ZNF423: variants seen among roughly 807,000 people sequenced by gnomAD.
ZNF423 encodes Ebf-associated zinc finger protein.
In ZNF423, 12 loss-of-function variants were observed where a neutral mutation model predicts 95.8. That is an observed-to-expected ratio of 0.13 (90% CI 0.08 to 0.20). The LOEUF (loss-of-function observed/expected upper bound fraction) is 0.20, where lower values mean the gene tolerates loss of function less well. Among genes scored for constraint, ZNF423 ranks in the 10% least tolerant of loss-of-function variants. ZNF423 has a pLI of 1.00. For missense variants in ZNF423, 1,316 were observed against 1,737.1 expected (o/e 0.76, Z 4.31); for synonymous variants, 749 against 711.9 (o/e 1.05, Z -0.83).
chr16:49,495,538 G>T (rs149572253), intron 7 of ZNF423, among the ~76,000 whole-genome samples: 11 of 152,304 alleles, frequency 7.2e-5, no homozygotes, highest in African/African-American at 2.6e-4. Context: ...TCATTCATTC[G>T]TCTTTGAGCC....
intron 3 of ZNF423, among the ~76,000 whole-genome samples, chr16:49,668,692 C>T (rs1430952770): frequency 3.3e-5 from 5 of 152,118 alleles, no homozygotes; most frequent in African/African-American, 7.2e-5. Context: ...AAACAGTTCC[C>T]GCTAACCCAC....
chr16:49,831,668 TACAGGGAA>T (rs2035062396), intron 1 of ZNF423, among the ~76,000 whole-genome samples: 1 of 152,112 alleles, frequency 6.6e-6, no homozygotes, highest in African/African-American at 2.4e-5. Context: ...ACACCCAGAC[TACAGGGAA>T]GAGCGCTGCA....
At chr16:49,589,461 T>C (rs780867676) in intron 5 of ZNF423, among the ~76,000 whole-genome samples, 2 of 152,146 alleles carry the variant, frequency 1.3e-5, no homozygotes, top group Admixed American at 6.5e-5. Flanking sequence ...GCTGTGTGCA[T>C]TTTGCTCAGT....
chr16:49,493,747 G>A (rs1967057775), intron 7 of ZNF423, among the ~76,000 whole-genome samples: 1 of 152,242 alleles, frequency 6.6e-6, no homozygotes, highest in Non-Finnish European at 1.5e-5. Flanking sequence ...TGGATAGGAT[G>A]TGGATATGTG....
At chr16:49,606,670 G>A (rs1324228439) in intron 5 of ZNF423, among the ~76,000 whole-genome samples, 1 of 152,224 alleles carries the variant, frequency 6.6e-6, no homozygotes, top group Non-Finnish European at 1.5e-5. Context: ...CAGTACAGTG[G>A]TACTGGTGCA....
At chr16:49,824,500 G>A (rs1313582807) in intron 1 of ZNF423, among the ~76,000 whole-genome samples, 1 of 152,102 alleles carries the variant, frequency 6.6e-6, no homozygotes, top group East Asian at 1.9e-4. Flanking sequence ...GTGGTCTCAG[G>A]CCAGGAGAGA....
chr16:49,567,315 CCT>C (rs1970224088), intron 5 of ZNF423, among the ~76,000 whole-genome samples: 1 of 152,198 alleles, frequency 6.6e-6, no homozygotes, highest in Non-Finnish European at 1.5e-5. Flanking sequence ...CCCAAGCCAA[CCT>C]CTCTCCCTCT....
intron 2 of ZNF423, among the ~76,000 whole-genome samples, chr16:49,769,588 T>G (rs75286207): frequency 0.028 from 4,231 of 151,922 alleles, 192 homozygotes; most frequent in African/African-American, 0.097. Context: ...CCCTCCCTGG[T>G]TCCCCATCAA....
At chr16:49,589,444 G>T in intron 5 of ZNF423, among the ~76,000 whole-genome samples, 1 of 152,190 alleles carries the variant, frequency 6.6e-6, no homozygotes, top group East Asian at 1.9e-4. Context: ...TAAAGGTTTA[G>T]TGTCTAGCTG....
At chr16:49,610,687 T>C (rs1184527197) in intron 5 of ZNF423, among the ~76,000 whole-genome samples, 2 of 151,974 alleles carry the variant, frequency 1.3e-5, no homozygotes, top group Non-Finnish European at 2.9e-5. Flanking sequence ...CAACATTAAA[T>C]ATAAATAACC....
chr16:49,689,671 C>T (rs1487924550), intron 3 of ZNF423, among the ~76,000 whole-genome samples: 1 of 152,132 alleles, frequency 6.6e-6, no homozygotes, highest in East Asian at 1.9e-4. Flanking sequence ...TGCAAGCAAT[C>T]CCGTGTGGCA....
rs528818394 is a variant in ZNF423 at position 49,694,515 on chromosome 16, T to C, written c.301+36256A>G. ...CATGGTAAAAACATCCTGCCTCTGC[T>C]CATCTGCAAGCAGGGATTGGAAATC... On this transcript the variant is annotated intron_variant, in intron 3 of 7. Coordinates refer to ENST00000563137, the MANE Select transcript of ZNF423 (RefSeq NM_001379286.1). Among the ~76,000 whole-genome samples the C allele has an allele frequency of 2.0e-5, 3 of 152,328 alleles. No individual in the cohort carries two copies. The East Asian group carries it at 5.8e-4, about 29-fold the overall frequency.
At chr16:49,721,990 G>A (rs1232081967) in intron 3 of ZNF423, among the ~76,000 whole-genome samples, 1 of 152,178 alleles carries the variant, frequency 6.6e-6, no homozygotes, top group African/African-American at 2.4e-5. Flanking sequence ...TCAAGGGAGG[G>A]ATGCTCTGCA....
rs1278807246 is a variant in ZNF423, at chr16:49,697,847, G to A, written c.301+32924C>T. On this transcript the variant is annotated intron_variant, in intron 3 of 7. Coordinates refer to ENST00000563137, the MANE Select transcript of ZNF423 (RefSeq NM_001379286.1). ...AGGCGGCATGAGCCCGCGGTGATGCGAATCAGCCTTAACCAGCCCATTGTT... is the reference window on the plus strand; with the variant it reads ...AGGCGGCATGAGCCCGCGGTGATGCAAATCAGCCTTAACCAGCCCATTGTT... 1.3e-5 allele frequency among the ~76,000 whole-genome samples: 2 copies of A among 152,374 alleles called. 1 individual carries two copies. Among genetic ancestry groups the A allele is most frequent in the South Asian group, 4.1e-4 (2 of 4,834 alleles).
chr16:49,716,455 C>T (rs1005072278), intron 3 of ZNF423, among the ~76,000 whole-genome samples: 1 of 152,138 alleles, frequency 6.6e-6, no homozygotes, highest in Non-Finnish European at 1.5e-5. Flanking sequence ...CTCAGTCTTC[C>T]CACATGCACC....
At chr16:49,849,710 C>G (rs564335063) in intron 1 of ZNF423, among the ~76,000 whole-genome samples, 1 of 151,938 alleles carries the variant, frequency 6.6e-6, no homozygotes, top group South Asian at 2.1e-4. Flanking sequence ...AGAAAGAAAA[C>G]GAAACAACAA....
chr16:49,688,238 T>C (rs1044608766), intron 3 of ZNF423, among the ~76,000 whole-genome samples: 1 of 152,104 alleles, frequency 6.6e-6, no homozygotes, highest in African/African-American at 2.4e-5. Context: ...TGGATTAAAC[T>C]TCAAACACAA....
chr16:49,648,503 A>G (rs1973264932), intron 3 of ZNF423, among the ~76,000 whole-genome samples: 1 of 152,052 alleles, frequency 6.6e-6, no homozygotes, highest in African/African-American at 2.4e-5. Context: ...TTAGCTGGGC[A>G]TGGTGGCACA....
intron 3 of ZNF423, among the ~76,000 whole-genome samples, chr16:49,677,248 T>TAG (rs1484203280): frequency 2.9e-5 from 2 of 68,554 alleles, no homozygotes; most frequent in African/African-American, 1.3e-4. Context: ...GAAGAGAAGA[T>TAG]AAGAGAAGAG....
Sources: gnomAD v4.1 joint callset for allele counts (sites outside exome capture counted in the v4.1 genomes callset) on GRCh38, gnomAD v4.1.1 for gene constraint, MANE v1.5 for transcripts, NCBI Gene and HGNC (gene_info 2026-07-23, HGNC 2026-07-21) for gene names.